Variants in TPGS2 observed in about 807,000 individuals in gnomAD.
TPGS2 encodes the protein tubulin polyglutamylase complex subunit 2, also known as polyglutamylase subunit 2.
In TPGS2, 26 loss-of-function variants were observed where a neutral mutation model predicts 31.1. The observed-to-expected ratio is 0.84, with a 90% CI of 0.61 to 1.16. The LOEUF (loss-of-function observed/expected upper bound fraction) is 1.16. Among genes scored for constraint, TPGS2 ranks in the 50% most tolerant of loss-of-function variants. The pLI, the probability that TPGS2 is intolerant of heterozygous loss-of-function variation, is 0.00. For missense variants in TPGS2, 351 were observed against 363.8 expected (o/e 0.96, Z 0.29); for synonymous variants, 130 against 136.6 (o/e 0.95, Z 0.34).
intron 2 of TPGS2, among the ~76,000 whole-genome samples, chr18:36,818,212 T>C (rs187016881): frequency 2.0e-5 from 3 of 152,290 alleles, no homozygotes; most frequent in African/African-American, 7.2e-5. Context: ...TGGGAAAACT[T>C]TTCTCAACCT....
At chr18:36,802,133 A>C (rs1057496646) in intron 4 of TPGS2, among the ~76,000 whole-genome samples, 19 of 152,324 alleles carry the variant, frequency 1.2e-4, no homozygotes, top group Admixed American at 7.8e-4. Flanking sequence ...ACTGTTTTAT[A>C]TATTTTGTCT....
chr18:36,798,626 A>G lies in TPGS2; in HGVS notation c.497-17T>C, dbSNP rs1022124381. On this transcript the variant is annotated splice_polypyrimidine_tract_variant and intron_variant, in intron 5 of 6. Coordinates refer to ENST00000334295, the MANE Select transcript of TPGS2 (RefSeq NM_015476.4). ...CTGCTAATGCTGAAGTAGAAGACAAAGGAAGTAAAAGATAAAGAATAGCTT... is the reference window on the plus strand; with the variant it reads ...CTGCTAATGCTGAAGTAGAAGACAAGGGAAGTAAAAGATAAAGAATAGCTT... 2 of 1,608,604 alleles carry G rather than the reference A, an allele frequency of 1.2e-6. No homozygotes were observed. Among genetic ancestry groups the G allele is most frequent in the Non-Finnish European group, 1.7e-6 (2 of 1,176,020 alleles).
chr18:36,783,875 T>C (rs986651987), intron 6 of TPGS2, among the ~76,000 whole-genome samples: 7 of 152,144 alleles, frequency 4.6e-5, no homozygotes, highest in South Asian at 2.1e-4. Context: ...GATCCTGATA[T>C]ATGGGGATTA....
intron 2 of TPGS2, among the ~76,000 whole-genome samples, chr18:36,815,461 A>G (rs113357015): frequency 1.3e-5 from 2 of 151,832 alleles, no homozygotes; most frequent in African/African-American, 4.8e-5. Context: ...CCCACCTCCC[A>G]AAAAAAACAT....
intron 1 of TPGS2, among the ~76,000 whole-genome samples, chr18:36,823,082 G>C (rs964891382): frequency 2.0e-5 from 3 of 152,212 alleles, no homozygotes; most frequent in African/African-American, 7.2e-5. Flanking sequence ...TGAATTAGCA[G>C]CTTTAAACAA....
intron 1 of TPGS2, among the ~76,000 whole-genome samples, chr18:36,827,392 C>T (rs2046205268): frequency 6.6e-6 from 1 of 152,226 alleles, no homozygotes; most frequent in African/African-American, 2.4e-5. Flanking sequence ...GAAATAATGA[C>T]ATTTGATCAG....
chr18:36,823,882 G>A (rs2046016390), intron 1 of TPGS2: 3 of 984,884 alleles, frequency 3.0e-6, no homozygotes, highest in South Asian at 9.4e-5. Flanking sequence ...CTGTGGATTA[G>A]AGTAGGAATT....
At chr18:36,809,357 C>T (rs1005896332) in intron 2 of TPGS2, among the ~76,000 whole-genome samples, 1 of 152,140 alleles carries the variant, frequency 6.6e-6, no homozygotes, top group African/African-American at 2.4e-5. Context: ...AGATTTTAAG[C>T]ATGTTTTTAG....
chr18:36,793,371 TTATATC>T (rs1256012405), downstream of TPGS2, among the ~76,000 whole-genome samples: 1 of 152,176 alleles, frequency 6.6e-6, no homozygotes, highest in African/African-American at 2.4e-5. Context: ...AGTAAGCATC[TTATATC>T]TATAACTGAG....
At chr18:36,784,223 A>G (rs1337009538) in intron 6 of TPGS2, among the ~76,000 whole-genome samples, 1 of 152,244 alleles carries the variant, frequency 6.6e-6, no homozygotes, top group Non-Finnish European at 1.5e-5. Context: ...TCCTCTAAGA[A>G]ATGATACAAC....
rs558915402 is a variant in TPGS2 at position 36,796,309 on chromosome 18, T to G, written c.*496A>C. ...TCTGTGGTGATGGAAATGTTCCATATCTTTGTGCTAATACAGAATCTACCA... is the reference window on the plus strand; with the variant it reads ...TCTGTGGTGATGGAAATGTTCCATAGCTTTGTGCTAATACAGAATCTACCA... On this transcript the variant is annotated 3_prime_UTR_variant, in exon 7 of 7. Transcript: ENST00000334295. 1 of 979,104 alleles carries G rather than the reference T, an allele frequency of 1.0e-6. No individual in the cohort carries two copies. Among genetic ancestry groups the G allele is most frequent in the East Asian group, 1.1e-4 (1 of 8,800 alleles). The allele number at this position is 979,104 out of a possible 1,614,324, so 60.7% of individuals were successfully genotyped here.
chr18:36,806,606 A>T (rs1356589958), intron 3 of TPGS2, among the ~76,000 whole-genome samples: 3 of 152,118 alleles, frequency 2.0e-5, no homozygotes, highest in African/African-American at 7.2e-5. Flanking sequence ...TAATCCCAGC[A>T]CTTTGGGAGG....
Position 36,795,359 on chromosome 18 carries a change from G to A in TPGS2, c.*1446C>T. ...GTAGAGAGAAGTCAGGAAAGAGAATGAGCCAGCTGGGACTGAAGTGTGCAG... is the reference window on the plus strand; with the variant it reads ...GTAGAGAGAAGTCAGGAAAGAGAATAAGCCAGCTGGGACTGAAGTGTGCAG... On this transcript the variant is annotated 3_prime_UTR_variant, in exon 7 of 7. Transcript: ENST00000334295. 4.1e-6 allele frequency: 4 copies of A among 985,530 alleles called. No homozygotes were observed. The highest frequency in any genetic ancestry group is 4.8e-6 in the Non-Finnish European group (4 of 830,022). The allele number at this position is 985,530 out of a possible 1,614,324, so 61.0% of individuals were successfully genotyped here.
rs1287926915 is a variant in TPGS2, at chr18:36,798,606, A to C, written c.500T>G (p.Leu167Ter). 2.0e-5 allele frequency: 33 copies of C among 1,613,030 alleles called. No individual in the cohort carries two copies. The highest frequency in any genetic ancestry group is 2.8e-5 in the Non-Finnish European group (33 of 1,179,132). ...CLVYKSGKPA[L>*]AEDTEIWFLD... The stretch of plus-strand genomic sequence containing the variant: ...GAACCAGATCTCAGTGTCTTCTGCT[A>C]ATGCTGAAGTAGAAGACAAAGGAAG... Residue 167 changes from leucine (L) to a stop codon, truncating the protein, a stop_gained, in exon 6 of 7, where the codon TTA becomes TGA. Coordinates refer to ENST00000334295, the MANE Select transcript of TPGS2 (RefSeq NM_015476.4). LOFTEE classifies it high-confidence loss of function.
Position 36,795,989 on chromosome 18 carries a change from A to G in TPGS2, c.*816T>C, listed in dbSNP as rs1261829017. ...AGTATAGCAGAAGTACACCTTCTTT[A>G]AAAAGTTAATAAGGAAGATAATTGT... On this transcript the variant is annotated 3_prime_UTR_variant, in exon 7 of 7. Transcript: ENST00000334295. 1.0e-6 allele frequency: 1 copy of G among 985,502 alleles called. No individual in the cohort carries two copies. Among genetic ancestry groups the G allele is most frequent in the East Asian group, 1.1e-4 (1 of 8,826 alleles). The allele number at this position is 985,502 out of a possible 1,614,324, so 61.0% of individuals were successfully genotyped here.
intron 4 of TPGS2, among the ~76,000 whole-genome samples, chr18:36,803,308 A>G (rs2044931151): frequency 6.6e-6 from 1 of 151,938 alleles, no homozygotes; most frequent in South Asian, 2.1e-4. Flanking sequence ...TCTGGTAACC[A>G]CTGCTGATCT....
intron 2 of TPGS2, among the ~76,000 whole-genome samples, chr18:36,811,371 T>C (rs2045418224): frequency 6.6e-6 from 1 of 152,170 alleles, no homozygotes; most frequent in Admixed American, 6.5e-5. Flanking sequence ...CTGCATTGCT[T>C]AACAGCCAAA....
intron 1 of TPGS2, among the ~76,000 whole-genome samples, chr18:36,822,540 A>G (rs1404305644): frequency 9.2e-5 from 14 of 152,196 alleles, no homozygotes. Flanking sequence ...TGAAAATAGC[A>G]AATAACGGTT....
At chr18:36,803,025 A>G (rs1178573502) in intron 4 of TPGS2, among the ~76,000 whole-genome samples, 1 of 152,130 alleles carries the variant, frequency 6.6e-6, no homozygotes, top group Non-Finnish European at 1.5e-5. Context: ...ATATATTTAT[A>G]TATTGATGGA....
Sources: gnomAD v4.1 joint callset for allele counts (sites outside exome capture counted in the v4.1 genomes callset) on GRCh38, gnomAD v4.1.1 for gene constraint, MANE v1.5 for transcripts, NCBI Gene and HGNC (gene_info 2026-07-23, HGNC 2026-07-21) for gene names.